The following CTBS variants were observed in gnomAD, a reference collection of about 807,000 sequenced individuals.
CTBS encodes the protein di-N-acetylchitobiase.
CTBS carries 35 observed loss-of-function variants against 44.3 expected under a neutral mutation model. The observed-to-expected ratio is 0.79, with a 90% CI of 0.60 to 1.05. The LOEUF is 1.05. Among genes scored for constraint, CTBS ranks in the 50% least tolerant of loss-of-function variants. CTBS has a pLI of 0.00. For synonymous variants in CTBS, 143 were observed against 168.0 expected (o/e 0.85, Z 1.15); for missense variants, 458 against 475.3 (o/e 0.96, Z 0.34).
At chr1:84,571,801 C>A (rs780071157) in intron 1 of CTBS, among the ~76,000 whole-genome samples, 7 of 152,172 alleles carry the variant, frequency 4.6e-5, no homozygotes, top group Non-Finnish European at 1.0e-4. Flanking sequence ...TGCACGAAAA[C>A]TTTTCTGAGG....
chr1:84,574,396 CGAAG>C lies in CTBS; in HGVS notation c.16_19del (p.Leu6AspfsTer16). The C allele has an allele frequency of 6.4e-7, 1 of 1,556,318 alleles. No homozygotes were observed. Among genetic ancestry groups the C allele is most frequent in the Non-Finnish European group, 8.7e-7 (1 of 1,152,222 alleles). Reference sequence around the variant, plus strand: ...CGGGCTAGAGACGAGGCGCCAGCGTCGAAGCTGCGGCCGGGACATAGCAGCAGGT... The same window carrying C: ...CGGGCTAGAGACGAGGCGCCAGCGTCCTGCGGCCGGGACATAGCAGCAGGT... On this transcript the variant is annotated frameshift_variant, in exon 1 of 7. Coordinates refer to ENST00000370630, the MANE Select transcript of CTBS (RefSeq NM_004388.3). LOFTEE classifies it high-confidence loss of function.
At chr1:84,571,415 T>C (rs915729179) in intron 1 of CTBS, among the ~76,000 whole-genome samples, 1 of 152,226 alleles carries the variant, frequency 6.6e-6, no homozygotes, top group Non-Finnish European at 1.5e-5. Context: ...CTACTGCAGA[T>C]GGAGCCATAA....
At chr1:84,570,505 T>C in intron 2 of CTBS, 77 bp downstream of exon 2, 3 of 1,321,408 alleles carry the variant, frequency 2.3e-6, no homozygotes, top group Non-Finnish European at 3.1e-6. Context: ...AAGGACTTTT[T>C]TGGAAAGTCG....
chr1:84,572,405 A>C (rs1317758021), intron 1 of CTBS, among the ~76,000 whole-genome samples: 3 of 151,876 alleles, frequency 2.0e-5, no homozygotes, highest in African/African-American at 7.3e-5. Context: ...TGTTTAAAAA[A>C]TACTAAGAGC....
intron 4 of CTBS, 88 bp from the exon 5 acceptor site, chr1:84,563,920 T>C: frequency 5.7e-6 from 8 of 1,397,532 alleles, no homozygotes; most frequent in Non-Finnish European, 7.5e-6. Context: ...AGAATCTGTT[T>C]GTAAAAACAA....
At chr1:84,572,662 G>GTT (rs11369641) in intron 1 of CTBS, among the ~76,000 whole-genome samples, 26 of 146,684 alleles carry the variant, frequency 1.8e-4, no homozygotes, top group African/African-American at 6.0e-4. Context: ...AATCTTTCAG[G>GTT]TTTTTTTTTT....
At position 84,549,828 on chromosome 1, in the gene CTBS, A is replaced by G. The variant is rs1211439584; in HGVS notation, c.*5171T>C. 1 of 151,768 alleles carries G rather than the reference A, an allele frequency of 6.6e-6. No homozygotes were observed. Among genetic ancestry groups the G allele is most frequent in the African/African-American group, 2.4e-5 (1 of 41,374 alleles). The allele number at this position is 151,768 out of a possible 1,614,324, so 9.4% of individuals were successfully genotyped here. ...ATTATTTTAAATAAATTTAATATAA[A>G]GTCCAAATAGGCTCAAGTAATGGTT... On this transcript the variant is annotated 3_prime_UTR_variant, in exon 7 of 7. Coordinates refer to ENST00000370630, the MANE Select transcript of CTBS (RefSeq NM_004388.3).
intron 3 of CTBS, 113 bp downstream of exon 3, chr1:84,569,818 T>C: frequency 1.0e-6 from 1 of 993,406 alleles, no homozygotes; most frequent in Non-Finnish European, 1.5e-6. Flanking sequence ...AAATAAGTGC[T>C]GAAACTCTTT....
Position 84,550,713 on chromosome 1 carries a change from A to T in CTBS, c.*4286T>A. 1 of 1,180,636 alleles carries T rather than the reference A, an allele frequency of 8.5e-7. No individual in the cohort carries two copies. The highest frequency in any genetic ancestry group is 1.1e-6 in the Non-Finnish European group (1 of 948,326). The allele number at this position is 1,180,636 out of a possible 1,614,324, so 73.1% of individuals were successfully genotyped here. A position where few individuals can be genotyped will look rare whatever the true frequency, so the allele number is the denominator to read the frequency against. ...TGCAGGAAGAAAAACTAAACCTGTG[A>T]AAAGATACATGATATAATAAAGCCA... On this transcript the variant is annotated 3_prime_UTR_variant, in exon 7 of 7. Coordinates refer to ENST00000370630, the MANE Select transcript of CTBS (RefSeq NM_004388.3).
rs1450532551 is a variant in CTBS at position 84,553,871 on chromosome 1, A to G, written c.*1128T>C. ...ATTAGGAACTAATAAGGGCAGCACAATGTTGTTCTTAATTCCCTGGAGAAA... is the reference window on the plus strand; with the variant it reads ...ATTAGGAACTAATAAGGGCAGCACAGTGTTGTTCTTAATTCCCTGGAGAAA... On this transcript the variant is annotated 3_prime_UTR_variant, in exon 7 of 7. Transcript: ENST00000370630. 1 of 152,228 alleles carries G rather than the reference A, an allele frequency of 6.6e-6. No individual in the cohort carries two copies. Among genetic ancestry groups the G allele is most frequent in the Non-Finnish European group, 1.5e-5 (1 of 68,036 alleles). The allele number at this position is 152,228 out of a possible 1,614,324, so 9.4% of individuals were successfully genotyped here. A position where few individuals can be genotyped will look rare whatever the true frequency, so the allele number is the denominator to read the frequency against.
intron 6 of CTBS, among the ~76,000 whole-genome samples, 170 bp from the exon 7 acceptor site, chr1:84,555,369 C>T (rs372462355): frequency 6.6e-6 from 1 of 152,148 alleles, no homozygotes; most frequent in Non-Finnish European, 1.5e-5. Flanking sequence ...ATAACACTTT[C>T]CTATTCTATA....
chr1:84,568,032 CAG>C (rs1684731044), intron 3 of CTBS, among the ~76,000 whole-genome samples: 1 of 152,172 alleles, frequency 6.6e-6, no homozygotes, highest in Non-Finnish European at 1.5e-5. Flanking sequence ...ATAAAATGCA[CAG>C]TCCTCAGCCT....
Position 84,563,261 on chromosome 1 carries a change from T to G in CTBS, c.953A>C (p.Tyr318Ser), listed in dbSNP as rs1684627876. Reference sequence around the variant, plus strand: ...ATAACTTACGAAAAGTCTTACTTTATAGTTATAATAAGGAGCCCGCTGATC... The same window carrying G: ...ATAACTTACGAAAAGTCTTACTTTAGAGTTATAATAAGGAGCCCGCTGATC... ...DKDQRAPYYNYKDPAGHFHQV... is the reference protein window; with the variant it reads ...DKDQRAPYYNSKDPAGHFHQV... The change falls in exon 6 of 7, where the codon TAT (tyrosine) becomes TCT (serine). Residue 318 changes from tyrosine (Y) to serine (S), a missense_variant. Tyr to Ser is a moderately radical substitution (Grantham distance 144, BLOSUM62 -2). Transcript: ENST00000370630. 2 of 1,505,248 alleles carry G rather than the reference T, an allele frequency of 1.3e-6. No homozygotes were observed. The highest frequency in any genetic ancestry group is 1.8e-6 in the Non-Finnish European group (2 of 1,126,700). The allele number at this position is 1,505,248 out of a possible 1,614,324, so 93.2% of individuals were successfully genotyped here.
rs1684247350 is a variant in CTBS, at chr1:84,550,787, C to A, written c.*4212G>T. ...CTAGGAAGAATTAAAGGAAAAGGAA[C>A]CTGTGAGTCAATATATTCTCAAAAA... is the stretch of plus-strand genomic sequence containing the variant. On this transcript the variant is annotated 3_prime_UTR_variant, in exon 7 of 7. Transcript: ENST00000370630. 2 of 1,040,652 alleles carry A rather than the reference C, an allele frequency of 1.9e-6. No individual in the cohort carries two copies. The highest frequency in any genetic ancestry group is 9.0e-5 in the South Asian group (2 of 22,114). 64.5% of individuals were successfully genotyped at this position (1,040,652 alleles called of 1,614,324 possible).
chr1:84,565,212 TA>T lies in CTBS; in HGVS notation c.697+628del, dbSNP rs978452874. ...AGACCCTGCTCAAAAAAATAAAAAT[TA>T]AAAAAAAAAACAAAAGAACAAGCAA... is the stretch of plus-strand genomic sequence containing the variant. On this transcript the variant is annotated intron_variant, in intron 4 of 6. Transcript: ENST00000370630. 2.7e-4 allele frequency among the ~76,000 whole-genome samples: 39 copies of T among 142,626 alleles called. No homozygotes were observed. In the East Asian group the frequency reaches 3.4e-3, roughly 13 times the overall value. 93.6% of individuals were successfully genotyped at this position (142,626 alleles called of 152,430 possible).
At position 84,553,759 on chromosome 1, in the gene CTBS, T is replaced by C. The variant is rs1387722869; in HGVS notation, c.*1240A>G. The C allele has an allele frequency of 6.6e-6, 1 of 152,198 alleles. No individual in the cohort carries two copies. Among genetic ancestry groups the C allele is most frequent in the Non-Finnish European group, 1.5e-5 (1 of 68,026 alleles). The allele number at this position is 152,198 out of a possible 1,614,324, so 9.4% of individuals were successfully genotyped here. The stretch of plus-strand genomic sequence containing the variant: ...CTCATAACAGATGGTTCAATCATCA[T>C]GTATTCCAATTTACAGGGGCAAAAT... On this transcript the variant is annotated 3_prime_UTR_variant, in exon 7 of 7. Transcript: ENST00000370630.
rs1308060558 is a variant in CTBS at position 84,554,953 on chromosome 1, T to C, written c.*46A>G. On this transcript the variant is annotated 3_prime_UTR_variant, in exon 7 of 7. Transcript: ENST00000370630. ...TAAAAATGCAAGAAACTAGATCTGT[T>C]GATACAGATCATCTTTCTAACTCTT... 6.9e-7 allele frequency: 1 copy of C among 1,451,294 alleles called. No homozygotes were observed. The highest frequency in any genetic ancestry group is 2.3e-5 in the East Asian group (1 of 44,176). 89.9% of individuals were successfully genotyped at this position (1,451,294 alleles called of 1,614,324 possible).
intron 6 of CTBS, among the ~76,000 whole-genome samples, chr1:84,556,770 A>G (rs1031430202): frequency 6.6e-6 from 1 of 152,016 alleles, no homozygotes; most frequent in Admixed American, 6.5e-5. Flanking sequence ...AAATGAATAC[A>G]CTGCGGCATA....
chr1:84,562,716 T>C (rs1248150791), intron 6 of CTBS, among the ~76,000 whole-genome samples: 1 of 152,246 alleles, frequency 6.6e-6, no homozygotes, highest in African/African-American at 2.4e-5. Flanking sequence ...ACTTAGTGTA[T>C]TTCTTCAGGT....
Sources: allele counts gnomAD v4.1 joint callset (sites outside exome capture counted in the v4.1 genomes callset), GRCh38; gene constraint gnomAD v4.1.1; transcripts MANE v1.5; gene names NCBI Gene and HGNC (gene_info 2026-07-23, HGNC 2026-07-21).